ARHGAP31: variants seen among roughly 807,000 people sequenced by gnomAD.
The protein encoded by ARHGAP31 is rho GTPase-activating protein 31.
Under a neutral mutation model 113.9 loss-of-function variants are expected in ARHGAP31, and 34 were observed. The observed-to-expected ratio is 0.30, with a 90% CI of 0.23 to 0.40. The LOEUF (loss-of-function observed/expected upper bound fraction) is 0.40. Among genes scored for constraint, ARHGAP31 ranks in the 10% least tolerant of loss-of-function variants. The pLI is 1.00. For missense variants in ARHGAP31, 1,548 were observed against 1,767.1 expected (o/e 0.88, Z 2.22); for synonymous variants, 650 against 684.8 (o/e 0.95, Z 0.79).
intron 1 of ARHGAP31, among the ~76,000 whole-genome samples, chr3:119,335,898 A>T (rs1046987538): frequency 6.6e-6 from 1 of 152,156 alleles, no homozygotes; most frequent in Non-Finnish European, 1.5e-5. Flanking sequence ...TCTGGCCAGG[A>T]GCGGTAGCTC....
intron 1 of ARHGAP31, among the ~76,000 whole-genome samples, chr3:119,364,978 C>T (rs2080240963): frequency 6.6e-6 from 1 of 152,058 alleles, no homozygotes; most frequent in African/African-American, 2.4e-5. Flanking sequence ...CCTGTAATCC[C>T]AGCTACTCGG....
chr3:119,332,635 T>TCTCTCTCTCTCTCTCTCACA (rs1403595583), intron 1 of ARHGAP31, among the ~76,000 whole-genome samples: 1 of 85,664 alleles, frequency 1.2e-5, no homozygotes. Context: ...TCTCTCTCTC[T>TCTCTCTCTCTCTCTCTCACA]CACACACACA....
At chr3:119,347,334 G>T (rs2080069323) in intron 1 of ARHGAP31, among the ~76,000 whole-genome samples, 1 of 152,216 alleles carries the variant, frequency 6.6e-6, no homozygotes, top group Non-Finnish European at 1.5e-5. Flanking sequence ...TCTGCATACA[G>T]TTTACAGAAT....
At chr3:119,361,542 T>A (rs2080206848) in intron 1 of ARHGAP31, among the ~76,000 whole-genome samples, 1 of 152,112 alleles carries the variant, frequency 6.6e-6, no homozygotes, top group Non-Finnish European at 1.5e-5. Flanking sequence ...CCACCACACC[T>A]GGCAAATTTT....
intron 3 of ARHGAP31, among the ~76,000 whole-genome samples, chr3:119,376,570 C>G (rs1001234639): frequency 6.6e-6 from 1 of 152,082 alleles, no homozygotes; most frequent in African/African-American, 2.4e-5. Flanking sequence ...TTCTTGGCAC[C>G]CTGTTTTCCC....
At position 119,414,921 on chromosome 3, in the gene ARHGAP31, G is replaced by C; in HGVS notation, c.2992G>C (p.Gly998Arg). The change falls in exon 12 of 12, where the codon GGA becomes CGA. Residue 998 changes from glycine (G) to arginine (R), a missense_variant. By Grantham distance (125) the Gly-to-Arg change is moderately radical (BLOSUM62 -2). Transcript: ENST00000264245. The part of the protein sequence containing the change: ...QPQAPRREIT[G>R]WDEKALRSFR... ...CCAGGCACCCAGGAGAGAGATTACTGGATGGGATGAGAAAGCCCTGAGGTC... is the reference window on the plus strand; with the variant it reads ...CCAGGCACCCAGGAGAGAGATTACTCGATGGGATGAGAAAGCCCTGAGGTC... 6.2e-7 allele frequency: 1 copy of C among 1,614,164 alleles called. No individual in the cohort carries two copies.
intron 1 of ARHGAP31, among the ~76,000 whole-genome samples, chr3:119,339,357 G>A (rs540287211): frequency 2.0e-5 from 3 of 152,232 alleles, no homozygotes; most frequent in East Asian, 1.9e-4. Context: ...CTGACTATAA[G>A]TTTAATGCAA....
chr3:119,383,949 A>G (rs1577022476), intron 6 of ARHGAP31, among the ~76,000 whole-genome samples: 1 of 152,370 alleles, frequency 6.6e-6, no homozygotes, highest in South Asian at 2.1e-4. Flanking sequence ...AACCAAGGTT[A>G]CTGGACATCA....
chr3:119,309,979 AAAAAG>A (rs1424608149), intron 1 of ARHGAP31, among the ~76,000 whole-genome samples: 12 of 151,918 alleles, frequency 7.9e-5, no homozygotes, highest in African/African-American at 2.7e-4. Context: ...TCAGGTCTCA[AAAAAG>A]AAAACAAAAT....
At position 119,401,916 on chromosome 3, in the gene ARHGAP31, A is replaced by T. The variant is rs775077571; in HGVS notation, c.1164A>T (p.Ser388=). The change falls in exon 10 of 12, where the codon TCA becomes TCT. Residue 388 remains serine, a synonymous_variant. Coordinates refer to ENST00000264245, the MANE Select transcript of ARHGAP31 (RefSeq NM_020754.4). ...TKMHSTGTGS[S]CDLTKQEGEW... is the part of the protein sequence containing the mutation. Reference sequence around the variant, plus strand: ...TGCACTCCACCGGCACCGGCAGCTCATGTGACCTCACCAAGCAGGAGGGCG... The same window carrying T: ...TGCACTCCACCGGCACCGGCAGCTCTTGTGACCTCACCAAGCAGGAGGGCG... 9.9e-6 allele frequency: 16 copies of T among 1,613,008 alleles called. No individual in the cohort carries two copies. The South Asian group carries it at 1.6e-4, about 17-fold the overall frequency.
At chr3:119,352,114 A>G (rs1469282924) in intron 1 of ARHGAP31, among the ~76,000 whole-genome samples, 9 of 152,228 alleles carry the variant, frequency 5.9e-5, no homozygotes, top group Admixed American at 2.0e-4. Context: ...TATCAATTAC[A>G]CAAAGCACAG....
chr3:119,336,481 C>A (rs934216929), intron 1 of ARHGAP31, among the ~76,000 whole-genome samples: 1 of 151,950 alleles, frequency 6.6e-6, no homozygotes, highest in African/African-American at 2.4e-5. Context: ...GGGGATGTGT[C>A]GTCAGCAGAA....
chr3:119,412,205 A>G lies in ARHGAP31; in HGVS notation c.1927-1651A>G, dbSNP rs182431960. ...GGAGTTTGTGACCAGCCTGGCCAAC[A>G]TGGTGAAACCCCATCTCTACTAAAA... is the stretch of plus-strand genomic sequence containing the variant. On this transcript the variant is annotated intron_variant, in intron 11 of 11. Coordinates refer to ENST00000264245, the MANE Select transcript of ARHGAP31 (RefSeq NM_020754.4). 4.5e-3 allele frequency among the ~76,000 whole-genome samples: 685 copies of G among 152,236 alleles called. 3 individuals are homozygous for G. Among genetic ancestry groups the G allele is most frequent in the Non-Finnish European group, 7.3e-3 (496 of 68,012 alleles).
chr3:119,359,036 CAG>C (rs2080182676), intron 1 of ARHGAP31, among the ~76,000 whole-genome samples: 1 of 146,940 alleles, frequency 6.8e-6, no homozygotes, highest in Admixed American at 6.8e-5. Context: ...TTTTTTGAGA[CAG>C]AGTCTCACTC....
chr3:119,343,156 C>A (rs1251789650), intron 1 of ARHGAP31, among the ~76,000 whole-genome samples: 1 of 152,178 alleles, frequency 6.6e-6, no homozygotes, highest in African/African-American at 2.4e-5. Context: ...TTCATTTGTA[C>A]ATTCAATCAT....
chr3:119,414,059 A>G lies in ARHGAP31; in HGVS notation c.2130A>G (p.Pro710=), dbSNP rs1577036218. ...TGCCTTGTGGCTCCTTCCCTGCTCC[A>G]GTCTCCACCCCTCTGGAGGTGTGGA... ...GSLPCGSFPA[P]VSTPLEVWTR... Residue 710 remains proline, a synonymous_variant, in exon 12 of 12, where the codon CCA becomes CCG. Transcript: ENST00000264245. 1.2e-6 allele frequency: 2 copies of G among 1,614,024 alleles called. No homozygotes were observed. Among genetic ancestry groups the G allele is most frequent in the Admixed American group, 1.7e-5 (1 of 60,002 alleles).
At chr3:119,355,736 T>C (rs2107618539) in intron 1 of ARHGAP31, among the ~76,000 whole-genome samples, 1 of 152,250 alleles carries the variant, frequency 6.6e-6, no homozygotes, top group Middle Eastern at 3.4e-3. Context: ...ACATGTGGTG[T>C]TTGGTTTTCT....
In ARHGAP31 at chr3:119,415,064, G is replaced by T. The variant is rs1167715481; in HGVS notation, c.3135G>T (p.Glu1045Asp). 1 of 1,614,204 alleles carries T rather than the reference G, an allele frequency of 6.2e-7. No individual in the cohort carries two copies. Among genetic ancestry groups the T allele is most frequent in the African/African-American group, 1.3e-5 (1 of 75,066 alleles). Residue 1045 changes from glutamate (E) to aspartate (D), a missense_variant, in exon 12 of 12, where the codon GAG (glutamate) becomes GAT (aspartate). Transcript: ENST00000264245. ...CCATCAGCCTAGCAGAGGGAAAGGA[G>T]CTAGGGACACACCTGGGGCACAGCA... ...TSPISLAEGK[E>D]LGTHLGHSSP...
chr3:119,308,614 C>T (rs1465050594), intron 1 of ARHGAP31, among the ~76,000 whole-genome samples: 7 of 152,178 alleles, frequency 4.6e-5, no homozygotes, highest in Admixed American at 4.6e-4. Flanking sequence ...TTGTATAATC[C>T]AGGACACTAT....
Sources: allele counts gnomAD v4.1 joint callset (sites outside exome capture counted in the v4.1 genomes callset), GRCh38; gene constraint gnomAD v4.1.1; transcripts MANE v1.5; gene names NCBI Gene and HGNC (gene_info 2026-07-23, HGNC 2026-07-21).